The following RRAS2 variants were observed in gnomAD, a reference collection of about 807,000 sequenced individuals.
The protein encoded by RRAS2 is ras-related protein R-Ras2.
RRAS2 carries 7 observed loss-of-function variants against 27.6 expected under a neutral mutation model. That is an observed-to-expected ratio of 0.25 (90% CI 0.14 to 0.48). RRAS2 has a LOEUF of 0.48. Ranked by LOEUF, RRAS2 falls within the 20% of genes least tolerant of loss-of-function variation. RRAS2 has a pLI of 0.99. For missense variants in RRAS2, 178 were observed against 256.2 expected, an observed-to-expected ratio of 0.69 and a Z score of 2.08; for synonymous variants, 86 against 90.9, an observed-to-expected ratio of 0.95 and a Z score of 0.31.
chr11:14,351,559 T>G (rs1848952686), intron 1 of RRAS2, among the ~76,000 whole-genome samples: 1 of 152,072 alleles, frequency 6.6e-6, no homozygotes, highest in Non-Finnish European at 1.5e-5. Context: ...AAACTCCGTC[T>G]CTACTAAAAA....
intron 1 of RRAS2, among the ~76,000 whole-genome samples, chr11:14,330,438 G>T (rs1554951742): frequency 6.6e-6 from 1 of 152,232 alleles, no homozygotes; most frequent in East Asian, 1.9e-4. Flanking sequence ...CTTCAACCTG[G>T]GAGGTCGAGG....
rs1849436905 is a variant in RRAS2, at chr11:14,278,611, C to A, written c.*726G>T. Reference sequence around the variant, plus strand: ...AAAGGAAGACAGAAGGAAATTATTCCTTTTTACCCTTAGCGTGGCTGTGAA... The same window carrying A: ...AAAGGAAGACAGAAGGAAATTATTCATTTTTACCCTTAGCGTGGCTGTGAA... On this transcript the variant is annotated 3_prime_UTR_variant, in exon 6 of 6. Transcript: ENST00000256196. 1 of 152,124 alleles carries A rather than the reference C, an allele frequency of 6.6e-6. No homozygotes were observed. The allele number at this position is 152,124 out of a possible 1,614,324, so 9.4% of individuals were successfully genotyped here. A position where few individuals can be genotyped will look rare whatever the true frequency, so the allele number is the denominator to read the frequency against.
At chr11:14,304,709 G>A (rs1469460244) in intron 1 of RRAS2, among the ~76,000 whole-genome samples, 3 of 152,190 alleles carry the variant, frequency 2.0e-5, no homozygotes, top group Non-Finnish European at 4.4e-5. Flanking sequence ...GACCTAGTTA[G>A]CCATTGGTAG....
chr11:14,337,701 A>G (rs2134018276), intron 1 of RRAS2, among the ~76,000 whole-genome samples: 1 of 152,308 alleles, frequency 6.6e-6, no homozygotes, highest in East Asian at 1.9e-4. Flanking sequence ...TGTAGGGTTC[A>G]ATACTATCCA....
chr11:14,283,604 TTA>T (rs1319575570), intron 4 of RRAS2, among the ~76,000 whole-genome samples: 18 of 152,342 alleles, frequency 1.2e-4, no homozygotes, highest in Admixed American at 3.3e-4. Flanking sequence ...ACTACTGATA[TTA>T]TCTTTTTTTT....
intron 1 of RRAS2, among the ~76,000 whole-genome samples, chr11:14,325,045 T>C (rs1422729236): frequency 6.6e-6 from 1 of 152,192 alleles, no homozygotes; most frequent in Non-Finnish European, 1.5e-5. Context: ...TCACAAGTTT[T>C]ACATTAAGAT....
intron 1 of RRAS2, among the ~76,000 whole-genome samples, chr11:14,324,780 G>T (rs1848313073): frequency 6.6e-6 from 1 of 152,088 alleles, no homozygotes; most frequent in Non-Finnish European, 1.5e-5. Flanking sequence ...ATTTAGAATG[G>T]AAATGACACA....
intron 1 of RRAS2, among the ~76,000 whole-genome samples, chr11:14,314,385 TA>T (rs1554949257): frequency 2.6e-5 from 4 of 152,200 alleles, no homozygotes; most frequent in Non-Finnish European, 5.9e-5. Context: ...TTCTGGTCTC[TA>T]ATCATAATTT....
At chr11:14,292,435 T>C (rs1299348992) in intron 4 of RRAS2, among the ~76,000 whole-genome samples, 1 of 152,122 alleles carries the variant, frequency 6.6e-6, no homozygotes, top group African/African-American at 2.4e-5. Context: ...ACTCCTTCAA[T>C]GCACATCTAC....
chr11:14,312,067 G>A (rs1847984073), intron 1 of RRAS2, among the ~76,000 whole-genome samples: 1 of 152,080 alleles, frequency 6.6e-6, no homozygotes, highest in Non-Finnish European at 1.5e-5. Context: ...GTTTCCCCAT[G>A]TTGGCCAGGC....
At chr11:14,334,178 T>C (rs951699565) in intron 1 of RRAS2, among the ~76,000 whole-genome samples, 4 of 152,208 alleles carry the variant, frequency 2.6e-5, no homozygotes, top group African/African-American at 9.7e-5. Flanking sequence ...CCAATCTCAA[T>C]AGCAGCACGA....
intron 1 of RRAS2, among the ~76,000 whole-genome samples, chr11:14,322,016 C>A (rs1378937873): frequency 6.6e-6 from 1 of 152,098 alleles, no homozygotes; most frequent in Non-Finnish European, 1.5e-5. Context: ...TTAACAGTTA[C>A]TATGCTAGAC....
At chr11:14,356,758 C>T (rs781869362) in intron 1 of RRAS2, 63 of 451,372 alleles carry the variant, frequency 1.4e-4, no homozygotes, top group South Asian at 9.3e-4. Context: ...GGTATTTCTT[C>T]AACAAATGAT....
At chr11:14,323,978 C>A (rs1848285898) in intron 1 of RRAS2, among the ~76,000 whole-genome samples, 2 of 114,408 alleles carry the variant, frequency 1.7e-5, no homozygotes. Context: ...TCACATTTGT[C>A]TTAAAAAAAA....
rs868954399 is a variant in RRAS2, at chr11:14,334,036, T to C, written c.108+24727A>G. Among the ~76,000 whole-genome samples the C allele has an allele frequency of 7.9e-5, 12 of 152,386 alleles. 1 individual carries two copies. The Middle Eastern group carries it at 0.01, about 130-fold the overall frequency. On this transcript the variant is annotated intron_variant, in intron 1 of 5. Coordinates refer to ENST00000256196, the MANE Select transcript of RRAS2 (RefSeq NM_012250.6). Reference sequence around the variant, plus strand: ...CATTATTGACCACATAGGTGATTTCTAATTTTTTTAGATTAAGCAACAGTC... The same window carrying C: ...CATTATTGACCACATAGGTGATTTCCAATTTTTTTAGATTAAGCAACAGTC...
intron 4 of RRAS2, among the ~76,000 whole-genome samples, chr11:14,287,855 G>A (rs1554945279): frequency 1.5e-5 from 2 of 133,124 alleles, no homozygotes; most frequent in African/African-American, 5.6e-5. Flanking sequence ...CTGGTTGACA[G>A]AGCAAGACTC....
intron 1 of RRAS2, among the ~76,000 whole-genome samples, chr11:14,307,912 TGCC>T (rs1554948338): frequency 6.6e-6 from 1 of 152,168 alleles, no homozygotes; most frequent in African/African-American, 2.4e-5. Context: ...AAACTTATCC[TGCC>T]GATAGGTCTG....
chr11:14,310,220 T>C (rs564860864), intron 1 of RRAS2, among the ~76,000 whole-genome samples: 2 of 152,276 alleles, frequency 1.3e-5, no homozygotes, highest in African/African-American at 4.8e-5. Flanking sequence ...GGGTAGAGAA[T>C]GGAGGAAGAA....
chr11:14,303,821 T>A (rs1554947706), intron 1 of RRAS2, among the ~76,000 whole-genome samples: 1 of 152,082 alleles, frequency 6.6e-6, no homozygotes, highest in Non-Finnish European at 1.5e-5. Flanking sequence ...ACTGAAGCAG[T>A]GGGAAAAGCT....
Sources: allele counts gnomAD v4.1 joint callset (sites outside exome capture counted in the v4.1 genomes callset), GRCh38; gene constraint gnomAD v4.1.1; transcripts MANE v1.5; gene names NCBI Gene and HGNC (gene_info 2026-07-23, HGNC 2026-07-21).